GRID2: variants seen among roughly 807,000 people sequenced by gnomAD.
GRID2 encodes the protein glutamate ionotropic receptor delta type subunit 2.
A neutral mutation model predicts 114.8 loss-of-function variants in GRID2; 33 were observed. The ratio of observed to expected loss-of-function variants is 0.29; its 90% CI spans 0.22 to 0.38. The LOEUF (loss-of-function observed/expected upper bound fraction) is 0.38, where lower values mean the gene tolerates loss of function less well. GRID2 is among the 10% of genes least tolerant of loss of function. The pLI is 1.00. For missense variants in GRID2, 1,184 were observed against 1,257.7 expected (o/e 0.94, Z 0.89); for synonymous variants, 505 against 449.9 (o/e 1.12, Z -1.55).
chr4:92,437,136 A>G (rs1263111021), intron 1 of GRID2, among the ~76,000 whole-genome samples: 1 of 152,230 alleles, frequency 6.6e-6, no homozygotes, highest in Non-Finnish European at 1.5e-5. Flanking sequence ...TCTTATACCA[A>G]TTAAAGAGAA....
intron 4 of GRID2, among the ~76,000 whole-genome samples, chr4:93,112,521 G>C (rs1261176330): frequency 1.3e-5 from 2 of 152,110 alleles, no homozygotes; most frequent in Non-Finnish European, 1.5e-5. Context: ...GAAGGTGCTT[G>C]CTTCTCCTTC....
chr4:93,198,891 A>G (rs1410233541), intron 4 of GRID2, among the ~76,000 whole-genome samples: 1 of 152,154 alleles, frequency 6.6e-6, no homozygotes, highest in Non-Finnish European at 1.5e-5. Context: ...AATCCTAGCA[A>G]TTAAGTGCCA....
intron 2 of GRID2, among the ~76,000 whole-genome samples, chr4:92,733,756 T>C (rs1021815416): frequency 1.6e-4 from 25 of 152,134 alleles, no homozygotes. Context: ...TGTAAGATCC[T>C]GGGGGCTGTG....
chr4:92,912,396 T>C (rs1035180670), intron 2 of GRID2, among the ~76,000 whole-genome samples: 2 of 151,796 alleles, frequency 1.3e-5, no homozygotes, highest in Non-Finnish European at 3.0e-5. Flanking sequence ...TTTGGAACCT[T>C]AGCTGCAACA....
intron 8 of GRID2, among the ~76,000 whole-genome samples, chr4:93,260,076 CT>C (rs1329371125): frequency 6.6e-6 from 1 of 151,578 alleles, no homozygotes; most frequent in African/African-American, 2.4e-5. Flanking sequence ...ATTATTCTAC[CT>C]TGAATTGTGA....
chr4:93,519,757 G>C lies in GRID2; in HGVS notation c.2193+4346G>C, dbSNP rs150344715. Reference sequence around the variant, plus strand: ...GTTCCAAGGGGATGTACACTCAAATGGATACCATAGTAACAGGGAAGTCGG... The same window carrying C: ...GTTCCAAGGGGATGTACACTCAAATCGATACCATAGTAACAGGGAAGTCGG... On this transcript the variant is annotated intron_variant, in intron 13 of 15. Transcript: ENST00000282020. Among the ~76,000 whole-genome samples, 763 of 152,282 alleles carry C rather than the reference G, an allele frequency of 5.0e-3. 1 individual carries two copies. Among genetic ancestry groups the C allele is most frequent in the Middle Eastern group, 0.01 (3 of 294 alleles).
At chr4:93,392,432 G>A (rs923623609) in intron 8 of GRID2, among the ~76,000 whole-genome samples, 4 of 152,070 alleles carry the variant, frequency 2.6e-5, no homozygotes, top group Non-Finnish European at 5.9e-5. Flanking sequence ...TATGCAATAA[G>A]AAACATTACC....
chr4:92,893,438 C>A (rs563519316), intron 2 of GRID2, among the ~76,000 whole-genome samples: 1 of 152,104 alleles, frequency 6.6e-6, no homozygotes, highest in Non-Finnish European at 1.5e-5. Flanking sequence ...AATCCTGAGC[C>A]CTTGTCCTGG....
At chr4:92,714,272 C>T (rs752186230) in intron 2 of GRID2, among the ~76,000 whole-genome samples, 37 of 152,184 alleles carry the variant, frequency 2.4e-4, no homozygotes, top group African/African-American at 2.7e-4. Context: ...ATCCAGGTCA[C>T]GCTGATGCAA....
chr4:93,559,932 C>A (rs1488928656), intron 13 of GRID2, among the ~76,000 whole-genome samples: 3 of 151,952 alleles, frequency 2.0e-5, no homozygotes, highest in African/African-American at 7.3e-5. Context: ...TTTGCAGGGA[C>A]ATAGATGAAG....
Position 92,859,445 on chromosome 4 carries a change from C to A in GRID2, c.245-225550C>A, listed in dbSNP as rs182784775. ...TGCTTTATAGCTATATTTTGGAATT[C>A]AATCCAGAATATCTTTGAGGTCTGA... On this transcript the variant is annotated intron_variant, in intron 2 of 15. Transcript: ENST00000282020. Among the ~76,000 whole-genome samples the A allele has an allele frequency of 6.9e-4, 105 of 152,206 alleles. 1 individual carries two copies. The highest frequency in any genetic ancestry group is 2.4e-3 in the African/African-American group (99 of 41,556).
chr4:93,668,585 TGTCA>T (rs2149748484), intron 14 of GRID2, among the ~76,000 whole-genome samples: 1 of 152,154 alleles, frequency 6.6e-6, no homozygotes, highest in African/African-American at 2.4e-5. Context: ...TTCAAAGAGT[TGTCA>T]GGTGAGAAAG....
intron 13 of GRID2, among the ~76,000 whole-genome samples, chr4:93,552,151 T>C (rs1201755912): frequency 6.6e-6 from 1 of 151,774 alleles, no homozygotes; most frequent in Non-Finnish European, 1.5e-5. Context: ...GTCCTTGTGA[T>C]AGTTTGCTGA....
At chr4:92,907,042 G>C (rs1748013129) in intron 2 of GRID2, among the ~76,000 whole-genome samples, 2 of 152,030 alleles carry the variant, frequency 1.3e-5, no homozygotes, top group South Asian at 2.1e-4. Context: ...ACTTCTTCTT[G>C]TTTGCTCCAT....
chr4:93,006,596 AAAAAAAAAAGAGAG>A (rs1721554032), intron 2 of GRID2, among the ~76,000 whole-genome samples: 1 of 117,304 alleles, frequency 8.5e-6, no homozygotes, highest in African/African-American at 3.6e-5. Flanking sequence ...GGCCCTACTG[AAAAAAAAAAGAGAG>A]TCACTATATC....
intron 4 of GRID2, among the ~76,000 whole-genome samples, chr4:93,194,353 A>G (rs552743996): frequency 6.6e-6 from 1 of 152,352 alleles, no homozygotes; most frequent in African/African-American, 2.4e-5. Context: ...ATTGAAGTAT[A>G]AATATAACAC....
At chr4:92,424,440 G>T (rs1330115321) in intron 1 of GRID2, among the ~76,000 whole-genome samples, 1 of 151,858 alleles carries the variant, frequency 6.6e-6, no homozygotes. Flanking sequence ...AAATAAATTG[G>T]ATTTTTAAAT....
chr4:92,732,904 G>T (rs144734537), intron 2 of GRID2, among the ~76,000 whole-genome samples: 1 of 152,060 alleles, frequency 6.6e-6, no homozygotes, highest in Non-Finnish European at 1.5e-5. Context: ...TTTTGTGGCT[G>T]TAAGGCCTAG....
intron 1 of GRID2, among the ~76,000 whole-genome samples, chr4:92,408,415 A>G (rs964234207): frequency 6.2e-4 from 15 of 24,188 alleles, no homozygotes; most frequent in Non-Finnish European, 1.3e-3. Context: ...TTACAATTAT[A>G]TTGCCTATTC....
Sources: allele counts gnomAD v4.1 joint callset (sites outside exome capture counted in the v4.1 genomes callset), GRCh38; gene constraint gnomAD v4.1.1; transcripts MANE v1.5; gene names NCBI Gene and HGNC (gene_info 2026-07-23, HGNC 2026-07-21).